Variants in SYBU observed in about 807,000 individuals in gnomAD.
SYBU encodes GOLSYN A protein.
SYBU carries 21 observed loss-of-function variants against 35.9 expected under a neutral mutation model. That is an observed-to-expected ratio of 0.58 (90% CI 0.41 to 0.84). The LOEUF (loss-of-function observed/expected upper bound fraction) is 0.84, where lower values mean the gene tolerates loss of function less well. SYBU is among the 40% of genes least tolerant of loss of function. The probability of loss-of-function intolerance (pLI) is 0.00; values close to 1 mark genes in which losing one functional copy is unlikely to be tolerated. For synonymous variants in SYBU, 319 were observed against 324.3 expected (o/e 0.98, Z 0.18); for missense variants, 768 against 848.2 (o/e 0.91, Z 1.17).
chr8:109,688,631 A>G (rs1474921924), intron 1 of SYBU, among the ~76,000 whole-genome samples: 1 of 152,008 alleles, frequency 6.6e-6, no homozygotes, highest in Admixed American at 6.6e-5. Context: ...TATGAACATC[A>G]GTTTTGTTCT....
At chr8:109,605,555 G>T (rs773244633) in intron 3 of SYBU, among the ~76,000 whole-genome samples, 5 of 152,076 alleles carry the variant, frequency 3.3e-5, no homozygotes, top group Non-Finnish European at 5.9e-5. Context: ...GGAAAGAAGA[G>T]AATATGCCAG....
At chr8:109,619,134 T>G in intron 2 of SYBU, 95 bp from the exon 3 acceptor site, 1 of 871,438 alleles carries the variant, frequency 1.1e-6, no homozygotes, top group Non-Finnish European at 1.8e-6. Flanking sequence ...ACACGTGCAC[T>G]CGCACACGTA....
intron 2 of SYBU, among the ~76,000 whole-genome samples, chr8:109,629,182 T>C: frequency 6.6e-6 from 1 of 152,206 alleles, no homozygotes; most frequent in East Asian, 1.9e-4. Flanking sequence ...TGACGTTTAT[T>C]GGAAGTGCAA....
At chr8:109,688,568 G>C (rs773959339) in intron 1 of SYBU, among the ~76,000 whole-genome samples, 1 of 152,126 alleles carries the variant, frequency 6.6e-6, no homozygotes, top group Non-Finnish European at 1.5e-5. Context: ...AGACTTTTCA[G>C]ATATTTCAAA....
At chr8:109,632,195 G>A (rs944530528) in intron 2 of SYBU, among the ~76,000 whole-genome samples, 11 of 152,158 alleles carry the variant, frequency 7.2e-5, no homozygotes, top group South Asian at 2.1e-4. Flanking sequence ...AATTACAGGC[G>A]CCCGCCACCA....
intron 3 of SYBU, among the ~76,000 whole-genome samples, chr8:109,591,235 G>A (rs936054762): frequency 1.3e-5 from 2 of 152,142 alleles, no homozygotes; most frequent in Non-Finnish European, 2.9e-5. Context: ...AGTGGGTATG[G>A]CAAGTCTGCT....
At chr8:109,581,398 A>G (rs189924664) in intron 4 of SYBU, among the ~76,000 whole-genome samples, 32 of 152,344 alleles carry the variant, frequency 2.1e-4, no homozygotes, top group Admixed American at 2.1e-3. Context: ...TGAAAATCAA[A>G]TCAAAGAATG....
chr8:109,668,508 C>T (rs965646303), intron 1 of SYBU, among the ~76,000 whole-genome samples: 1 of 152,144 alleles, frequency 6.6e-6, no homozygotes, highest in African/African-American at 2.4e-5. Context: ...CCTAAACCAA[C>T]ACGTAATATG....
intron 4 of SYBU, among the ~76,000 whole-genome samples, chr8:109,585,262 T>C (rs887360346): frequency 4.6e-5 from 7 of 152,230 alleles, no homozygotes; most frequent in African/African-American, 1.4e-4. Flanking sequence ...GTGGCTCCCA[T>C]GTCTCATAGT....
intron 3 of SYBU, among the ~76,000 whole-genome samples, chr8:109,599,731 AC>A (rs1228299656): frequency 2.0e-5 from 3 of 152,146 alleles, no homozygotes; most frequent in African/African-American, 7.2e-5. Context: ...CAGAGAAGAA[AC>A]CTCATTAGGC....
intron 2 of SYBU, among the ~76,000 whole-genome samples, chr8:109,627,434 G>A (rs142041295): frequency 7.6e-4 from 115 of 152,080 alleles, no homozygotes; most frequent in African/African-American, 2.5e-3. Flanking sequence ...CATACCTTTC[G>A]GTGCATTTAT....
rs960412374 is a variant in SYBU at position 109,574,499 on chromosome 8, C to G, written c.*407G>C. 6.2e-6 allele frequency: 1 copy of G among 162,324 alleles called. No individual in the cohort carries two copies. Among genetic ancestry groups the G allele is most frequent in the African/African-American group, 2.4e-5 (1 of 41,846 alleles). 10.1% of individuals were successfully genotyped at this position (162,324 alleles called of 1,614,324 possible). A position where few individuals can be genotyped will look rare whatever the true frequency, so the allele number is the denominator to read the frequency against. The stretch of plus-strand genomic sequence containing the variant: ...GTTTATTTTTGGTTACAGTCCCCTG[C>G]TATGCACAAGACCATTGGAATGCTG... On this transcript the variant is annotated 3_prime_UTR_variant, in exon 7 of 7. Transcript: ENST00000276646.
chr8:109,605,656 A>G (rs887006570), intron 3 of SYBU, among the ~76,000 whole-genome samples: 7 of 152,240 alleles, frequency 4.6e-5, no homozygotes, highest in African/African-American at 1.2e-4. Flanking sequence ...AATAAGCACC[A>G]GCAGGCTCAG....
upstream of SYBU, among the ~76,000 whole-genome samples, chr8:109,681,773 T>C (rs1250815655): frequency 6.6e-6 from 1 of 152,114 alleles, no homozygotes; most frequent in East Asian, 1.9e-4. Context: ...TTTGGGTGTG[T>C]CCCTACCCAA....
At position 109,691,071 on chromosome 8, in the gene SYBU, G is replaced by C. The variant is rs992722130; in HGVS notation, c.-58+262C>G. Among the ~76,000 whole-genome samples, 1 of 152,126 alleles carries C rather than the reference G, an allele frequency of 6.6e-6. No individual in the cohort carries two copies. The highest frequency in any genetic ancestry group is 1.5e-5 in the Non-Finnish European group (1 of 68,026). ...CTCGTTGCAACAAGGAGTCCAGCCCGACCGTCTCAACAACCAATCAAACCA... is the reference window on the plus strand; with the variant it reads ...CTCGTTGCAACAAGGAGTCCAGCCCCACCGTCTCAACAACCAATCAAACCA... On this transcript the variant is annotated intron_variant, in intron 1 of 7. Coordinates refer to the SYBU transcript ENST00000422135. The surrounding 1 kb of genome is among the most constrained non-coding windows in gnomAD (Gnocchi z 4.7).
intron 2 of SYBU, among the ~76,000 whole-genome samples, chr8:109,628,282 G>A (rs959373362): frequency 6.6e-6 from 1 of 152,032 alleles, no homozygotes; most frequent in Non-Finnish European, 1.5e-5. Context: ...GCCAAGGTGA[G>A]AGGATAGCTT....
intron 1 of SYBU, among the ~76,000 whole-genome samples, chr8:109,660,563 C>T (rs1816523687): frequency 1.3e-5 from 2 of 152,020 alleles, no homozygotes; most frequent in South Asian, 4.1e-4. Context: ...ATAGGGAAAC[C>T]TTTAATTCAG....
At chr8:109,586,480 C>T in intron 3 of SYBU, 1 of 277,826 alleles carries the variant, frequency 3.6e-6, no homozygotes, top group South Asian at 7.8e-5. Flanking sequence ...GAGGCTCTCA[C>T]TCCACAACAA....
intron 2 of SYBU, among the ~76,000 whole-genome samples, chr8:109,629,561 C>CT (rs59099657): frequency 0.055 from 8,300 of 152,176 alleles, 763 homozygotes; most frequent in African/African-American, 0.19. Context: ...TGCATGGCTC[C>CT]TTTAAGAATG....
Sources: gnomAD v4.1 joint callset for allele counts (sites outside exome capture counted in the v4.1 genomes callset) on GRCh38, gnomAD v4.1.1 for gene constraint, Gnocchi (gnomAD v3.1) non-coding constraint, MANE v1.5 for transcripts, NCBI Gene and HGNC (gene_info 2026-07-23, HGNC 2026-07-21) for gene names.